The following LDHB variants were observed in gnomAD, a reference collection of about 807,000 sequenced individuals.
LDHB encodes the protein lactate dehydrogenase B.
LDHB carries 18 observed loss-of-function variants against 33.4 expected under a neutral mutation model. The observed-to-expected ratio is 0.54, with a 90% CI of 0.37 to 0.80. The LOEUF (loss-of-function observed/expected upper bound fraction) is 0.80. Ranked by LOEUF, LDHB falls within the 30% of genes least tolerant of loss-of-function variation. The probability of loss-of-function intolerance (pLI) is 0.00; values close to 1 mark genes in which losing one functional copy is unlikely to be tolerated. For missense variants in LDHB, 345 were observed against 407.9 expected (o/e 0.85, Z 1.33); for synonymous variants, 121 against 140.6 (o/e 0.86, Z 0.98).
intron 1 of LDHB, chr12:21,657,299 A>C (rs1454352899): frequency 6.6e-6 from 1 of 152,228 alleles, no homozygotes; most frequent in African/African-American, 2.4e-5. Context: ...CATCCCAGCG[A>C]GTGCAAGGGC....
chr12:21,643,965 C>T lies in LDHB; in HGVS notation c.391G>A (p.Asp131Asn), dbSNP rs1218363804. 1.2e-6 allele frequency: 2 copies of T among 1,612,710 alleles called. No homozygotes were observed. The highest frequency in any genetic ancestry group is 8.5e-7 in the Non-Finnish European group (1 of 1,178,902). ...IIPQIVKYSP[D>N]CIIIVVSNPV... ...TTGGAAACCACAATTATGATGCAAT[C>T]AGGACTGTACTTGACGATCTGAGGA... The change falls in exon 4 of 8, where the codon GAT becomes AAT. Residue 131 changes from aspartate to asparagine, a missense_variant. Coordinates refer to ENST00000350669, the MANE Select transcript of LDHB (RefSeq NM_002300.8).
Position 21,643,918 on chromosome 12 carries a change from A to G in LDHB, c.421+17T>C, listed in dbSNP as rs199734201. On this transcript the variant is annotated intron_variant, in intron 4 of 7. Transcript: ENST00000350669. Reference sequence around the variant, plus strand: ...ACTGAACTTAACAGAACAGAGACTTAAAGTATACAATAATACCTGGGTTGG... The same window carrying G: ...ACTGAACTTAACAGAACAGAGACTTGAAGTATACAATAATACCTGGGTTGG... The G allele has an allele frequency of 1.0e-3, 1,586 of 1,567,396 alleles. 5 individuals carry two copies. Among genetic ancestry groups the G allele is most frequent in the South Asian group, 6.8e-3 (616 of 90,160 alleles).
intron 2 of LDHB, among the ~76,000 whole-genome samples, chr12:21,648,213 C>A (rs1938582017): frequency 6.6e-6 from 1 of 152,052 alleles, no homozygotes; most frequent in Non-Finnish European, 1.5e-5. Flanking sequence ...AAAATATCAG[C>A]TAAGTAGAAT....
chr12:21,651,822 T>C (rs7135799), intron 2 of LDHB, among the ~76,000 whole-genome samples: 3 of 152,182 alleles, frequency 2.0e-5, no homozygotes, highest in Non-Finnish European at 2.9e-5. Flanking sequence ...ATTGGTAAAA[T>C]CATCTTTCAA....
chr12:21,635,368 T>C lies in LDHB; in HGVS notation c.*174A>G, dbSNP rs577306338. On this transcript the variant is annotated 3_prime_UTR_variant, in exon 8 of 8. Coordinates refer to ENST00000350669, the MANE Select transcript of LDHB (RefSeq NM_002300.8). ...ACACTACAATAGTTAATTTTATTTG[T>C]TCAAGAGCTCAGATTGCAAGCATTA... 1 of 634,680 alleles carries C rather than the reference T, an allele frequency of 1.6e-6. No individual in the cohort carries two copies. The highest frequency in any genetic ancestry group is 1.9e-5 in the South Asian group (1 of 54,032). 39.3% of individuals were successfully genotyped at this position (634,680 alleles called of 1,614,324 possible). A position where few individuals can be genotyped will look rare whatever the true frequency, so the allele number is the denominator to read the frequency against.
chr12:21,657,437 C>T (rs1938886487), intron 1 of LDHB: 1 of 152,434 alleles, frequency 6.6e-6, no homozygotes, highest in Admixed American at 6.5e-5. Context: ...GCCAGCAGGC[C>T]GTGGGGGTGA....
intron 2 of LDHB, among the ~76,000 whole-genome samples, chr12:21,648,113 C>A (rs1487494586): frequency 2.0e-5 from 3 of 152,120 alleles, no homozygotes; most frequent in Admixed American, 1.3e-4. Flanking sequence ...TTATGGAAGT[C>A]ATAATTTATA....
chr12:21,654,549 C>G lies in LDHB; in HGVS notation c.123G>C (p.Leu41=), dbSNP rs370993243. The part of the protein sequence containing the change: ...QVGMACAISI[L]GKSLADELAL... Reference sequence around the variant, plus strand: ...TGGTGTTCTTGAAATGTACCTTTCCCAGAATGCTGATAGCACACGCCATAC... The same window carrying G: ...TGGTGTTCTTGAAATGTACCTTTCCGAGAATGCTGATAGCACACGCCATAC... The change falls in exon 2 of 8, where the codon CTG becomes CTC. Residue 41 remains leucine (L), a synonymous_variant. Transcript: ENST00000350669. The G allele has an allele frequency of 2.0e-5, 32 of 1,613,876 alleles. No individual in the cohort carries two copies. In the African/African-American group the frequency reaches 2.5e-4, roughly 13 times the overall value.
chr12:21,645,246 C>CCGA (rs1453434785), intron 3 of LDHB, among the ~76,000 whole-genome samples: 46 of 94,542 alleles, frequency 4.9e-4, no homozygotes, highest in African/African-American at 1.5e-3. Flanking sequence ...TGGAAGGCCG[C>CCGA]AGGGACCTCT....
intron 2 of LDHB, among the ~76,000 whole-genome samples, chr12:21,647,734 G>T (rs1442637167): frequency 6.6e-6 from 1 of 151,980 alleles, no homozygotes; most frequent in Non-Finnish European, 1.5e-5. Context: ...AGGCTGGAGT[G>T]TAGTGGTGCA....
chr12:21,647,791 G>T (rs5015840), intron 2 of LDHB, among the ~76,000 whole-genome samples: 143,548 of 151,870 alleles, frequency 0.95, 68,338 homozygotes, highest in East Asian at 1. Flanking sequence ...CCACCTCCCG[G>T]GTTCAAGTGA....
chr12:21,656,121 A>T (rs532250855), intron 1 of LDHB, among the ~76,000 whole-genome samples: 14 of 152,232 alleles, frequency 9.2e-5, no homozygotes, highest in Non-Finnish European at 1.8e-4. Context: ...CAATAAGTCT[A>T]GTCTATTAAC....
chr12:21,645,907 G>C (rs1314787163), intron 3 of LDHB, among the ~76,000 whole-genome samples: 3 of 152,132 alleles, frequency 2.0e-5, no homozygotes, highest in Non-Finnish European at 4.4e-5. Flanking sequence ...TGCCCACAAG[G>C]GTGGAGAGGC....
chr12:21,652,809 G>C (rs1309302503), intron 2 of LDHB, among the ~76,000 whole-genome samples: 1 of 152,202 alleles, frequency 6.6e-6, no homozygotes, highest in Non-Finnish European at 1.5e-5. Context: ...CTAGTCAATT[G>C]AAACTAGCTA....
intron 3 of LDHB, 106 bp downstream of exon 3, chr12:21,646,793 C>T (rs926823484): frequency 2.6e-6 from 2 of 763,040 alleles, no homozygotes; most frequent in Admixed American, 1.8e-5. Context: ...AAAACTTCAA[C>T]CTTTCCTACT....
At chr12:21,640,546 T>C (rs1321745204) in intron 5 of LDHB, among the ~76,000 whole-genome samples, 1 of 152,070 alleles carries the variant, frequency 6.6e-6, no homozygotes, top group Non-Finnish European at 1.5e-5. Context: ...TTTTACATTA[T>C]AGAAGAGTAG....
At chr12:21,642,219 C>T (rs935375562) in intron 4 of LDHB, 94 bp from the exon 5 acceptor site, 2 of 807,480 alleles carry the variant, frequency 2.5e-6, no homozygotes, top group Non-Finnish European at 4.4e-6. Context: ...TTCCCACTTC[C>T]CCACTCCCCA....
chr12:21,638,366 T>G lies in LDHB; in HGVS notation c.700A>C (p.Met234Leu). 1 of 1,585,812 alleles carries G rather than the reference T, an allele frequency of 6.3e-7. No homozygotes were observed. Among genetic ancestry groups the G allele is most frequent in the Non-Finnish European group, 8.7e-7 (1 of 1,154,756 alleles). ...CCTTTCACTTACCTTTCAACCACCATCTTATGCACTTCCTTCCAATTTTCA... is the reference window on the plus strand; with the variant it reads ...CCTTTCACTTACCTTTCAACCACCAGCTTATGCACTTCCTTCCAATTTTCA... The part of the protein sequence containing the change: ...DSENWKEVHK[M>L]VVESAYEVIK... The change falls in exon 6 of 8, where the codon ATG (methionine) becomes CTG (leucine). Residue 234 changes from methionine to leucine, a missense_variant. Transcript: ENST00000350669.
At chr12:21,649,680 A>AG (rs1938625234) in intron 2 of LDHB, among the ~76,000 whole-genome samples, 2 of 151,762 alleles carry the variant, frequency 1.3e-5, no homozygotes, top group Non-Finnish European at 2.9e-5. Flanking sequence ...GACTTAAAAA[A>AG]AGGCTTTTAA....
Sources: allele counts gnomAD v4.1 joint callset (sites outside exome capture counted in the v4.1 genomes callset), GRCh38; gene constraint gnomAD v4.1.1; transcripts MANE v1.5; gene names NCBI Gene and HGNC (gene_info 2026-07-23, HGNC 2026-07-21).